Variants in UPRT observed in about 807,000 individuals in gnomAD.
UPRT encodes RP11-311P8.3.
A neutral mutation model predicts 22.6 loss-of-function variants in UPRT; 5 were observed. The observed-to-expected ratio is 0.22, with a 90% CI of 0.12 to 0.47. The LOEUF is 0.47. UPRT is among the 20% of genes least tolerant of loss of function. The pLI, the probability that UPRT is intolerant of heterozygous loss-of-function variation, is 0.99. For missense variants in UPRT, 181 were observed against 239.9 expected, an observed-to-expected ratio of 0.75 and a Z score of 1.62; for synonymous variants, 77 against 87.7, an observed-to-expected ratio of 0.88 and a Z score of 0.68.
rs951600158 is a variant in UPRT at position 75,293,328 on chromosome X, T to C, written c.387-144T>C. ...GGTGCCTGTATCCTAGTAAAAAGTA[T>C]CTTGCCTCAGTAATAGTCTGTACAT... is the stretch of plus-strand genomic sequence containing the variant. On this transcript the variant is annotated intron_variant, in intron 1 of 6. Coordinates refer to ENST00000373383, the MANE Select transcript of UPRT (RefSeq NM_145052.4). 1.1e-5 allele frequency: 5 copies of C among 441,303 alleles called. No homozygotes were observed. The African/African-American group carries it at 1.3e-4, about 11-fold the overall frequency. 36.4% of individuals were successfully genotyped at this position (441,303 alleles called of 1,213,427 possible). A position where few individuals can be genotyped will look rare whatever the true frequency, so the allele number is the denominator to read the frequency against.
chrX:75,257,648 TA>T (rs1475071262), intron 4 of UPRT, among the ~76,000 whole-genome samples: 1 of 111,818 alleles, frequency 8.9e-6, no homozygotes, highest in Non-Finnish European at 1.9e-5. Flanking sequence ...CTAGAACTGA[TA>T]AAAGAATTCA....
intron 4 of UPRT, among the ~76,000 whole-genome samples, chrX:75,261,130 A>G (rs2082566310): frequency 8.9e-6 from 1 of 111,990 alleles, no homozygotes; most frequent in Non-Finnish European, 1.9e-5. Flanking sequence ...TTATAGCACT[A>G]AATGCCCACA....
intron 4 of UPRT, among the ~76,000 whole-genome samples, chrX:75,253,199 A>T (rs978613190): frequency 2.7e-5 from 3 of 111,997 alleles, no homozygotes; most frequent in African/African-American, 9.7e-5. Context: ...AATAATAATA[A>T]AATTTAAAAA....
Position 75,233,217 on chromosome X carries a change from G to A in UPRT, c.-446-57807G>A, listed in dbSNP as rs1450910273. Among the ~76,000 whole-genome samples the A allele has an allele frequency of 8.1e-5, 9 of 110,449 alleles. No individual in the cohort carries two copies. The East Asian group carries it at 8.5e-4, about 10-fold the overall frequency. ...GAAGATGAAATGAATGAAATGAAGCGAGAAGGGAAGTTTAGAGAAAAAAGA... is the reference window on the plus strand; with the variant it reads ...GAAGATGAAATGAATGAAATGAAGCAAGAAGGGAAGTTTAGAGAAAAAAGA... On this transcript the variant is annotated intron_variant, in intron 4 of 13. Transcript: ENST00000652605.
chrX:75,213,147 G>A (rs1053955259), intron 4 of UPRT, among the ~76,000 whole-genome samples: 12 of 112,175 alleles, frequency 1.1e-4, no homozygotes, highest in African/African-American at 3.9e-4. Flanking sequence ...TTGCAGCTGT[G>A]TGCTATTTGG....
intron 4 of UPRT, among the ~76,000 whole-genome samples, chrX:75,211,188 G>A (rs1249714902): frequency 9.0e-6 from 1 of 111,036 alleles, no homozygotes; most frequent in South Asian, 3.9e-4. Context: ...AGGGGAGTGA[G>A]TACCCCAGAG....
intron 6 of UPRT, 183 bp downstream of exon 6, chrX:75,301,148 C>T (rs1015169): frequency 0.019 from 6,494 of 334,256 alleles, 74 homozygotes; most frequent in Non-Finnish European, 0.023. Flanking sequence ...TTATACCATT[C>T]TAATGTTCAA....
intron 4 of UPRT, among the ~76,000 whole-genome samples, chrX:75,268,153 T>C (rs1251399282): frequency 9.0e-6 from 1 of 110,900 alleles, no homozygotes; most frequent in Non-Finnish European, 1.9e-5. Context: ...ATCTAGAAAA[T>C]CTAGAAGAAA....
chrX:75,188,320 C>T (rs1189821956), intron 4 of UPRT, among the ~76,000 whole-genome samples: 1 of 111,727 alleles, frequency 9.0e-6, no homozygotes, highest in Non-Finnish European at 1.9e-5. Context: ...GGGGTGCCTC[C>T]CAGTTAGACT....
At chrX:75,259,782 G>C (rs1309347373) in intron 4 of UPRT, among the ~76,000 whole-genome samples, 1 of 110,810 alleles carries the variant, frequency 9.0e-6, no homozygotes, top group Admixed American at 9.7e-5. Context: ...TCCTCGAGAA[G>C]AGCAACCCCA....
intron 1 of UPRT, chrX:75,156,835 G>C: frequency 3.3e-6 from 1 of 301,408 alleles, no homozygotes; most frequent in Non-Finnish European, 6.4e-6. Context: ...TAACTTTGCT[G>C]ATTGTTCTCT....
chrX:75,230,895 G>A (rs1476531102), intron 4 of UPRT, among the ~76,000 whole-genome samples: 2 of 112,261 alleles, frequency 1.8e-5, no homozygotes, highest in Non-Finnish European at 3.8e-5. Flanking sequence ...ATCCTTAGAG[G>A]AAGAGGGAGA....
intron 3 of UPRT, among the ~76,000 whole-genome samples, chrX:75,166,981 C>G (rs904430706): frequency 9.0e-6 from 1 of 111,713 alleles, no homozygotes; most frequent in African/African-American, 3.3e-5. Context: ...TTGGGGTCAT[C>G]ATGAATAACG....
chrX:75,171,728 T>C (rs1440535757), intron 4 of UPRT, among the ~76,000 whole-genome samples: 1 of 110,784 alleles, frequency 9.0e-6, no homozygotes, highest in Non-Finnish European at 1.9e-5. Flanking sequence ...AGGGAAGATC[T>C]GGGTCTCAAT....
intron 4 of UPRT, among the ~76,000 whole-genome samples, chrX:75,171,310 C>A: frequency 9.0e-6 from 1 of 111,512 alleles, no homozygotes. Context: ...TTGGTTAAAT[C>A]AAAAGCCTTG....
At chrX:75,186,978 T>C (rs2082294986) in intron 4 of UPRT, among the ~76,000 whole-genome samples, 1 of 111,716 alleles carries the variant, frequency 9.0e-6, no homozygotes, top group Non-Finnish European at 1.9e-5. Context: ...CTTTATCCAA[T>C]TTGCCAGTCT....
chrX:75,233,386 C>G (rs1023863540), intron 4 of UPRT, among the ~76,000 whole-genome samples: 1 of 111,394 alleles, frequency 9.0e-6, no homozygotes, highest in African/African-American at 3.3e-5. Context: ...ATGAGAACTT[C>G]CCCAATCTCG....
At chrX:75,179,893 G>A (rs1038091711) in intron 4 of UPRT, among the ~76,000 whole-genome samples, 2 of 112,788 alleles carry the variant, frequency 1.8e-5, no homozygotes, top group African/African-American at 6.4e-5. Flanking sequence ...TCCCGCTCCC[G>A]CCTCTCCCTC....
intron 4 of UPRT, among the ~76,000 whole-genome samples, chrX:75,201,295 A>G (rs1347421542): frequency 1.8e-5 from 2 of 112,856 alleles, no homozygotes; most frequent in African/African-American, 6.4e-5. Context: ...CTCCCCTAGC[A>G]GACTACTTGG....
Sources: gnomAD v4.1 joint callset for allele counts (sites outside exome capture counted in the v4.1 genomes callset) on GRCh38, gnomAD v4.1.1 for gene constraint, MANE v1.5 for transcripts, NCBI Gene and HGNC (gene_info 2026-07-23, HGNC 2026-07-21) for gene names.